The following MDGA1 variants were observed in gnomAD, a reference collection of about 807,000 sequenced individuals.
MDGA1 encodes the protein MAM domain containing glycosylphosphatidylinositol anchor 1.
MDGA1 carries 54 observed loss-of-function variants against 101.5 expected under a neutral mutation model. The ratio of observed to expected loss-of-function variants is 0.53; its 90% CI spans 0.43 to 0.67. The LOEUF (loss-of-function observed/expected upper bound fraction) is 0.67, where lower values mean the gene tolerates loss of function less well. Ranked by LOEUF, MDGA1 falls within the 30% of genes least tolerant of loss-of-function variation. The pLI, the probability that MDGA1 is intolerant of heterozygous loss-of-function variation, is 0.00. For missense variants in MDGA1, 1,083 were observed against 1,323.8 expected, an observed-to-expected ratio of 0.82 and a Z score of 2.82; for synonymous variants, 533 against 558.3, an observed-to-expected ratio of 0.95 and a Z score of 0.64.
rs1267781355 is a variant in MDGA1, at chr6:37,664,037, C to T, written c.137G>A (p.Arg46His). The stretch of plus-strand genomic sequence containing the variant: ...GTCCCCCTCCCGGATGGTGTAGACA[C>T]GCTCGCTGATATTGTCCTCTTTCAC... ...CVVKEDNISE[R>H]VYTIREGDTL... Residue 46 changes from arginine (R) to histidine (H), a missense_variant, in exon 2 of 17, where the codon CGT (arginine) becomes CAT (histidine). Arg to His is a conservative substitution (Grantham distance 29). Transcript: ENST00000434837. 5.6e-6 allele frequency: 9 copies of T among 1,613,674 alleles called. No individual in the cohort carries two copies. The highest frequency in any genetic ancestry group is 2.2e-5 in the East Asian group (1 of 44,850).
At chr6:37,651,466 T>G (rs1295178075) in intron 7 of MDGA1, among the ~76,000 whole-genome samples, 1 of 152,236 alleles carries the variant, frequency 6.6e-6, no homozygotes, top group Non-Finnish European at 1.5e-5. Context: ...CTATAAACAT[T>G]TATGCATTTA....
intron 1 of MDGA1, among the ~76,000 whole-genome samples, chr6:37,669,696 C>A (rs778239613): frequency 6.6e-6 from 1 of 152,214 alleles, no homozygotes; most frequent in Admixed American, 6.5e-5. Flanking sequence ...GCACTGCCTG[C>A]AGCAGCATCT....
intron 1 of MDGA1, among the ~76,000 whole-genome samples, chr6:37,691,637 T>G (rs748997075): frequency 2.4e-4 from 36 of 152,388 alleles, no homozygotes; most frequent in Non-Finnish European, 5.1e-4. Context: ...GTGTTATTCA[T>G]AGACTTGAGG....
At chr6:37,666,380 GA>G (rs1171062937) in intron 1 of MDGA1, among the ~76,000 whole-genome samples, 3 of 146,844 alleles carry the variant, frequency 2.0e-5, no homozygotes, top group Admixed American at 1.4e-4. Flanking sequence ...AAAAAGAAAA[GA>G]AAAAAAAAGA....
At position 37,651,517 on chromosome 6, in the gene MDGA1, C is replaced by G. The variant is rs371583172; in HGVS notation, c.1312+494G>C. Among the ~76,000 whole-genome samples, 204 of 152,020 alleles carry G rather than the reference C, an allele frequency of 1.3e-3. 7 individuals carry two copies. The South Asian group carries it at 0.041, about 31-fold the overall frequency. On this transcript the variant is annotated intron_variant, in intron 7 of 16. Coordinates refer to ENST00000434837, the MANE Select transcript of MDGA1 (RefSeq NM_153487.4). ...CAGTTGTTTCTTTGTATTTTGGAAC[C>G]AATTAATTTATTTTTCCGGGCCCTT...
At chr6:37,685,089 C>T (rs755067793) in intron 1 of MDGA1, among the ~76,000 whole-genome samples, 51 of 152,136 alleles carry the variant, frequency 3.4e-4, no homozygotes, top group Non-Finnish European at 6.5e-4. Flanking sequence ...ATTGCTTGAG[C>T]CCAGGAATTT....
intron 2 of MDGA1, 150 bp downstream of exon 2, chr6:37,663,817 C>T (rs994737107): frequency 1.2e-6 from 1 of 853,882 alleles, no homozygotes; most frequent in Non-Finnish European, 1.8e-6. Context: ...AGTTAATTTT[C>T]CTGCTATTTC....
chr6:37,657,526 G>T (rs940474748), intron 3 of MDGA1, among the ~76,000 whole-genome samples: 2 of 152,234 alleles, frequency 1.3e-5, no homozygotes, highest in African/African-American at 4.8e-5. Flanking sequence ...GCTGATGAGG[G>T]ACAGAAGAGA....
At chr6:37,642,943 C>A (rs1350939155) in intron 14 of MDGA1, among the ~76,000 whole-genome samples, 1 of 152,244 alleles carries the variant, frequency 6.6e-6, no homozygotes, top group Non-Finnish European at 1.5e-5. Flanking sequence ...CCTACCAGTA[C>A]CATTGCCTGC....
chr6:37,660,682 A>T (rs1439060282), intron 2 of MDGA1, among the ~76,000 whole-genome samples: 1 of 152,110 alleles, frequency 6.6e-6, no homozygotes, highest in Non-Finnish European at 1.5e-5. Context: ...TAATTTTTTT[A>T]AATTTTGAAG....
In MDGA1 at chr6:37,649,159, C is replaced by T; in HGVS notation, c.1717G>A (p.Ala573Thr). Residue 573 changes from alanine to threonine, a missense_variant, in exon 9 of 17, where the codon GCT becomes ACT. Transcript: ENST00000434837. ...AGCTGCCCTTTGAAACGCCACACAG[C>T]CGAGGCGATGCGCTGGGGGCTGCCT... is the stretch of plus-strand genomic sequence containing the variant. ...LRGSPQRIAS[A>T]VWRFKGQLLP... 1 of 1,504,148 alleles carries T rather than the reference C, an allele frequency of 6.6e-7. No individual in the cohort carries two copies. The highest frequency in any genetic ancestry group is 1.3e-5 in the South Asian group (1 of 79,948). 93.2% of individuals were successfully genotyped at this position (1,504,148 alleles called of 1,614,324 possible). A position where few individuals can be genotyped will look rare whatever the true frequency, so the allele number is the denominator to read the frequency against.
At chr6:37,662,647 A>C (rs1761653197) in intron 2 of MDGA1, among the ~76,000 whole-genome samples, 1 of 150,808 alleles carries the variant, frequency 6.6e-6, no homozygotes, top group Non-Finnish European at 1.5e-5. Flanking sequence ...AAAAAAAAAA[A>C]CAAGGAAGGC....
At chr6:37,687,248 G>T (rs1046027342) in intron 1 of MDGA1, among the ~76,000 whole-genome samples, 1 of 151,974 alleles carries the variant, frequency 6.6e-6, no homozygotes, top group Non-Finnish European at 1.5e-5. Flanking sequence ...CACGTAGTGG[G>T]TACTCATTAA....
At position 37,645,924 on chromosome 6, in the gene MDGA1, G is replaced by C. The variant is rs1267082901; in HGVS notation, c.2248+9C>G. 6.2e-7 allele frequency: 1 copy of C among 1,614,024 alleles called. No individual in the cohort carries two copies. The highest frequency in any genetic ancestry group is 8.5e-7 in the Non-Finnish European group (1 of 1,179,882). On this transcript the variant is annotated intron_variant, in intron 12 of 16. Coordinates refer to ENST00000434837, the MANE Select transcript of MDGA1 (RefSeq NM_153487.4). ...GAAGGGGAAGTCATGGGTGACTGGG[G>C]AGTCTCACCTGAAAGGTTCGGAGAG...
chr6:37,646,434 T>G, intron 10 of MDGA1, 59 bp from the exon 11 acceptor site: 1 of 1,390,232 alleles, frequency 7.2e-7, no homozygotes, highest in East Asian at 2.6e-5. Flanking sequence ...TTTCCTCATC[T>G]GTGAGACAGG....
intron 1 of MDGA1, among the ~76,000 whole-genome samples, chr6:37,673,661 C>A (rs1259693538): frequency 6.6e-6 from 1 of 152,116 alleles, no homozygotes; most frequent in Non-Finnish European, 1.5e-5. Context: ...CTCTGCAGAG[C>A]TGGCTGGAGC....
Position 37,638,146 on chromosome 6 carries a change from C to A in MDGA1, c.2776+59G>T. 1 of 1,426,730 alleles carries A rather than the reference C, an allele frequency of 7.0e-7. No individual in the cohort carries two copies. Among genetic ancestry groups the A allele is most frequent in the Non-Finnish European group, 9.9e-7 (1 of 1,014,944 alleles). 88.4% of individuals were successfully genotyped at this position (1,426,730 alleles called of 1,614,324 possible). A position where few individuals can be genotyped will look rare whatever the true frequency, so the allele number is the denominator to read the frequency against. On this transcript the variant is annotated intron_variant, in intron 16 of 16. Coordinates refer to ENST00000434837, the MANE Select transcript of MDGA1 (RefSeq NM_153487.4). The surrounding 1 kb of genome is among the most constrained non-coding windows in gnomAD (Gnocchi z 4.8). ...AACACCCTCCCTCAACAGACAGGAA[C>A]CCCCGCCACGCACAGCTCCCTCCAG...
At chr6:37,667,980 T>C (rs1761790766) in intron 1 of MDGA1, among the ~76,000 whole-genome samples, 1 of 152,058 alleles carries the variant, frequency 6.6e-6, no homozygotes, top group African/African-American at 2.4e-5. Flanking sequence ...TGGCCAGGTG[T>C]GGTGACTCAC....
intron 1 of MDGA1, among the ~76,000 whole-genome samples, chr6:37,686,641 G>A (rs931065855): frequency 6.6e-6 from 1 of 151,972 alleles, no homozygotes; most frequent in Non-Finnish European, 1.5e-5. Flanking sequence ...TGCCCAGGCT[G>A]GTCTCAAACT....
Sources: allele counts gnomAD v4.1 joint callset (sites outside exome capture counted in the v4.1 genomes callset), GRCh38; gene constraint gnomAD v4.1.1; non-coding constraint Gnocchi (gnomAD v3.1); transcripts MANE v1.5; gene names NCBI Gene and HGNC (gene_info 2026-07-23, HGNC 2026-07-21).